The following FSD1L variants were observed in gnomAD, a reference collection of about 807,000 sequenced individuals.
FSD1L encodes FSD1-like protein.
A neutral mutation model predicts 71.6 loss-of-function variants in FSD1L; 45 were observed. The ratio of observed to expected loss-of-function variants is 0.63; its 90% confidence interval spans 0.49 to 0.81. FSD1L has a LOEUF of 0.81. Among genes scored for constraint, FSD1L ranks in the 30% least tolerant of loss-of-function variants. The pLI is 0.00. For missense variants in FSD1L, 561 were observed against 618.1 expected (o/e 0.91, Z 0.98); for synonymous variants, 197 against 207.2 (o/e 0.95, Z 0.42).
chr9:105,533,411 TCCA>T (rs1836027335), intron 10 of FSD1L, among the ~76,000 whole-genome samples: 1 of 127,468 alleles, frequency 7.8e-6, no homozygotes. Context: ...AATTGCCATT[TCCA>T]TCTTTTTTTT....
chr9:105,522,070 G>A (rs1201656572), intron 10 of FSD1L: 5 of 1,612,960 alleles, frequency 3.1e-6, no homozygotes, highest in Admixed American at 1.7e-5. Flanking sequence ...CAGTTCCAAG[G>A]GAAAAAAAAT....
intron 13 of FSD1L, among the ~76,000 whole-genome samples, chr9:105,539,747 T>C (rs918986473): frequency 1.3e-5 from 2 of 152,192 alleles, no homozygotes; most frequent in African/African-American, 4.8e-5. Context: ...TTCAGTTTTA[T>C]ATAAACAGAA....
In FSD1L at chr9:105,544,024, G is replaced by A. The variant is rs544081822; in HGVS notation, c.1468-2334G>A. Among the ~76,000 whole-genome samples the A allele has an allele frequency of 2.0e-5, 3 of 152,294 alleles. No homozygotes were observed. In the South Asian group the frequency reaches 6.2e-4, roughly 32 times the overall value. Reference sequence around the variant, plus strand: ...AATCGCCACACTGTCTTCCACAATGGTTGAACCAGTTTACTCTCCCACCAA... The same window carrying A: ...AATCGCCACACTGTCTTCCACAATGATTGAACCAGTTTACTCTCCCACCAA... On this transcript the variant is annotated intron_variant, in intron 13 of 13. Transcript: ENST00000481272.
At chr9:105,514,391 G>T (rs948789091) in intron 10 of FSD1L, among the ~76,000 whole-genome samples, 4 of 152,132 alleles carry the variant, frequency 2.6e-5, no homozygotes, top group Admixed American at 1.3e-4. Context: ...AATGTTATAT[G>T]CATTTATATA....
At chr9:105,475,569 G>A (rs967157665) in intron 5 of FSD1L, among the ~76,000 whole-genome samples, 1 of 152,030 alleles carries the variant, frequency 6.6e-6, no homozygotes, top group Non-Finnish European at 1.5e-5. Flanking sequence ...GAGAGGAGAG[G>A]ACCTTCAACA....
rs551208795 is a variant in FSD1L, at chr9:105,548,733, C to G, written c.*2250C>G. 1 of 151,924 alleles carries G rather than the reference C, an allele frequency of 6.6e-6. No individual in the cohort carries two copies. Among genetic ancestry groups the G allele is most frequent in the African/African-American group, 2.4e-5 (1 of 41,384 alleles). The allele number at this position is 151,924 out of a possible 1,614,324, so 9.4% of individuals were successfully genotyped here. A position where few individuals can be genotyped will look rare whatever the true frequency, so the allele number is the denominator to read the frequency against. On this transcript the variant is annotated 3_prime_UTR_variant, in exon 14 of 14. Coordinates refer to ENST00000481272, the MANE Select transcript of FSD1L (RefSeq NM_001145313.3). ...AGGTTTTGTAATAATAGTGTAAGTT[C>G]AGTAAATCCAGTCCAAATTCTCATC...
chr9:105,520,453 G>T, intron 10 of FSD1L: 1 of 1,058,962 alleles, frequency 9.4e-7, no homozygotes, highest in East Asian at 2.4e-5. Context: ...GACTATCGAA[G>T]CTAGTCTTAA....
intron 7 of FSD1L, among the ~76,000 whole-genome samples, chr9:105,488,446 T>C (rs982055031): frequency 2.0e-5 from 3 of 152,202 alleles, no homozygotes; most frequent in Non-Finnish European, 4.4e-5. Context: ...GTTGATTACT[T>C]CCAACTTTGG....
rs1175362729 is a variant in FSD1L at position 105,512,885 on chromosome 9, C to G, written c.974C>G (p.Thr325Ser). 6.5e-7 allele frequency: 1 copy of G among 1,541,912 alleles called. No individual in the cohort carries two copies. The highest frequency in any genetic ancestry group is 2.0e-5 in the Admixed American group (1 of 49,610). ...VEDTCVEWDP[T>S]GGKGQESKIK... ...GATACATGTGTAGAGTGGGATCCTA[C>G]TGGAGGAAAAGGTCAAGAAAGTAAA... The change falls in exon 10 of 14, where the codon ACT becomes AGT. Residue 325 changes from threonine to serine, a missense_variant. Transcript: ENST00000481272.
chr9:105,453,779 C>T lies in FSD1L; in HGVS notation c.15+5544C>T, dbSNP rs951869070. Among the ~76,000 whole-genome samples, 3 of 151,994 alleles carry T rather than the reference C, an allele frequency of 2.0e-5. No individual in the cohort carries two copies. In the East Asian group the frequency reaches 5.8e-4, roughly 29 times the overall value. ...TTTGCAATGCGTGGCTGAATGTAAG[C>T]AGGATTATTTATACAGTAAACACAT... On this transcript the variant is annotated intron_variant, in intron 1 of 13. Coordinates refer to ENST00000481272, the MANE Select transcript of FSD1L (RefSeq NM_001145313.3).
intron 7 of FSD1L, among the ~76,000 whole-genome samples, chr9:105,493,872 T>C (rs961816070): frequency 6.6e-6 from 1 of 152,208 alleles, no homozygotes; most frequent in Admixed American, 6.5e-5. Flanking sequence ...AGAGATCCGC[T>C]GTTAGTCTGA....
intron 10 of FSD1L, among the ~76,000 whole-genome samples, chr9:105,516,368 G>A (rs1412516348): frequency 6.6e-6 from 1 of 152,186 alleles, no homozygotes; most frequent in Non-Finnish European, 1.5e-5. Flanking sequence ...CCTCAAGTGG[G>A]TCCTTGACCC....
intron 6 of FSD1L, 97 bp downstream of exon 6, chr9:105,479,473 A>G: frequency 9.8e-7 from 1 of 1,019,576 alleles, no homozygotes; most frequent in Non-Finnish European, 1.5e-6. Flanking sequence ...TAGTTAAGAT[A>G]AAAGTACCCA....
intron 1 of FSD1L, among the ~76,000 whole-genome samples, chr9:105,449,287 G>A (rs1829838749): frequency 6.6e-6 from 1 of 152,186 alleles, no homozygotes; most frequent in African/African-American, 2.4e-5. Flanking sequence ...TAACAAATAT[G>A]CATATGATTT....
rs146419876 is a variant in FSD1L, at chr9:105,529,783, A to G, written c.1026-4710A>G. On this transcript the variant is annotated intron_variant, in intron 10 of 13. Transcript: ENST00000481272. ...TTAAGTATAATAATATTAAAAAAAAAAGAGAAAAAAAATCACACACAGGAT... is the reference window on the plus strand; with the variant it reads ...TTAAGTATAATAATATTAAAAAAAAGAGAGAAAAAAAATCACACACAGGAT... Among the ~76,000 whole-genome samples, 1,408 of 152,220 alleles carry G rather than the reference A, an allele frequency of 9.2e-3. 21 individuals carry two copies. Among genetic ancestry groups the G allele is most frequent in the African/African-American group, 0.032 (1,338 of 41,510 alleles).
chr9:105,456,813 T>A (rs1564076915), intron 1 of FSD1L, among the ~76,000 whole-genome samples: 2 of 152,378 alleles, frequency 1.3e-5, no homozygotes, highest in East Asian at 3.9e-4. Context: ...TGTCAAAACA[T>A]GTCTTCAGAC....
chr9:105,542,110 A>T (rs571769544), intron 13 of FSD1L, among the ~76,000 whole-genome samples: 1 of 152,218 alleles, frequency 6.6e-6, no homozygotes, highest in African/African-American at 2.4e-5. Context: ...CCCTTGGGTA[A>T]ATACCTAAGA....
chr9:105,466,280 AT>A (rs1831062779), intron 3 of FSD1L, among the ~76,000 whole-genome samples: 1 of 152,236 alleles, frequency 6.6e-6, no homozygotes, highest in Admixed American at 6.5e-5. Context: ...GTGGATTAGA[AT>A]TAACATTGTT....
chr9:105,465,403 T>G (rs1233513235), intron 3 of FSD1L, among the ~76,000 whole-genome samples: 1 of 152,184 alleles, frequency 6.6e-6, no homozygotes, highest in Non-Finnish European at 1.5e-5. Context: ...AAATCCATTT[T>G]TACAAATTCA....
Sources: gnomAD v4.1 joint callset for allele counts (sites outside exome capture counted in the v4.1 genomes callset) on GRCh38, gnomAD v4.1.1 for gene constraint, MANE v1.5 for transcripts, NCBI Gene and HGNC (gene_info 2026-07-23, HGNC 2026-07-21) for gene names.